Variants in AGAP1 observed in about 807,000 individuals in gnomAD.
AGAP1 encodes the protein ArfGAP with GTPase domain, ankyrin repeat and PH domain 1.
AGAP1 carries 29 observed loss-of-function variants against 105.3 expected under a neutral mutation model. That is an observed-to-expected ratio of 0.28 (90% CI 0.21 to 0.38). The LOEUF is 0.38. Ranked by LOEUF, AGAP1 falls within the 10% of genes least tolerant of loss-of-function variation. The pLI is 1.00. For missense variants in AGAP1, 998 were observed against 1,165.1 expected, an observed-to-expected ratio of 0.86 and a Z score of 2.09; for synonymous variants, 509 against 485.9, an observed-to-expected ratio of 1.05 and a Z score of -0.63.
rs762070441 is a variant in AGAP1 at position 235,883,340 on chromosome 2, T to G, written c.1051-5T>G. Reference sequence around the variant, plus strand: ...AATTTCTATTTGGCTCTTTTTCCCTTGTAGGGCATGCTGTTGAAGCGAAGT... The same window carrying G: ...AATTTCTATTTGGCTCTTTTTCCCTGGTAGGGCATGCTGTTGAAGCGAAGT... On this transcript the variant is annotated splice_polypyrimidine_tract_variant and splice_region_variant and intron_variant, in intron 9 of 17. Coordinates refer to ENST00000304032, the MANE Select transcript of AGAP1 (RefSeq NM_001037131.3). This position sits in a 1 kb window ranked among gnomAD's most constrained non-coding sequence, Gnocchi z 4.5. 1 of 1,613,246 alleles carries G rather than the reference T, an allele frequency of 6.2e-7. No individual in the cohort carries two copies. Among genetic ancestry groups the G allele is most frequent in the South Asian group, 1.1e-5 (1 of 91,002 alleles).
intron 1 of AGAP1, among the ~76,000 whole-genome samples, chr2:235,571,046 G>A (rs913806801): frequency 3.3e-5 from 5 of 152,234 alleles, no homozygotes; most frequent in Admixed American, 6.5e-5. Context: ...CAAAGGGGAA[G>A]CCCACGTTTC....
chr2:236,032,885 G>T (rs1452317591), intron 13 of AGAP1, among the ~76,000 whole-genome samples: 1 of 152,200 alleles, frequency 6.6e-6, no homozygotes, highest in East Asian at 1.9e-4. Context: ...TGACATAGAA[G>T]ATACTAGACA....
Position 235,603,977 on chromosome 2 carries a change from GT to G in AGAP1, c.164-105199del, listed in dbSNP as rs200083573. ...ATCAAAATGACACACGGTGACTCTG[GT>G]TTCTTCCAGCATCCCCGAGATGAAG... On this transcript the variant is annotated intron_variant, in intron 1 of 17. Transcript: ENST00000304032. Among the ~76,000 whole-genome samples the G allele has an allele frequency of 8.8e-3, 1,343 of 152,186 alleles. 16 individuals are homozygous for G. Among genetic ancestry groups the G allele is most frequent in the African/African-American group, 0.031 (1,269 of 41,518 alleles).
At chr2:236,017,424 A>G (rs1264537454) in intron 13 of AGAP1, among the ~76,000 whole-genome samples, 1 of 152,138 alleles carries the variant, frequency 6.6e-6, no homozygotes, top group Non-Finnish European at 1.5e-5. Context: ...ACCCTTCATG[A>G]AAATTTGTAT....
At chr2:236,064,946 T>G (rs1284118029) in intron 16 of AGAP1, among the ~76,000 whole-genome samples, 3 of 152,218 alleles carry the variant, frequency 2.0e-5, no homozygotes, top group African/African-American at 7.2e-5. Flanking sequence ...TGAGAGATTG[T>G]GTTACTTTTT....
chr2:235,895,621 T>G (rs1433168186), intron 10 of AGAP1, among the ~76,000 whole-genome samples: 2 of 152,160 alleles, frequency 1.3e-5, no homozygotes, highest in African/African-American at 4.8e-5. Flanking sequence ...TCTCTGATTC[T>G]CCCACAAGAC....
intron 12 of AGAP1, among the ~76,000 whole-genome samples, chr2:235,933,293 G>A (rs1205501146): frequency 6.6e-6 from 1 of 152,138 alleles, no homozygotes; most frequent in African/African-American, 2.4e-5. Flanking sequence ...AGGAGGAAAA[G>A]GGAAGATGGA....
chr2:235,697,722 A>G (rs746488565), intron 1 of AGAP1, among the ~76,000 whole-genome samples: 15 of 152,202 alleles, frequency 9.9e-5, no homozygotes, highest in Non-Finnish European at 1.5e-4. Flanking sequence ...TATTATAAAC[A>G]TTAATTTCAC....
At chr2:236,048,170 G>T (rs955408928) in intron 15 of AGAP1, among the ~76,000 whole-genome samples, 5 of 152,194 alleles carry the variant, frequency 3.3e-5, no homozygotes, top group African/African-American at 9.7e-5. Context: ...GTGAAAGCCA[G>T]TGACTATCAA....
chr2:235,525,017 C>T (rs563937262), intron 1 of AGAP1, among the ~76,000 whole-genome samples: 1 of 152,280 alleles, frequency 6.6e-6, no homozygotes, highest in East Asian at 1.9e-4. Flanking sequence ...CTGAATGTCA[C>T]CTTAAAATGT....
chr2:235,980,712 C>T (rs1302378664), intron 13 of AGAP1, among the ~76,000 whole-genome samples: 2 of 152,160 alleles, frequency 1.3e-5, no homozygotes, highest in Non-Finnish European at 2.9e-5. Flanking sequence ...GCAGAGAATT[C>T]TTCCTACTGT....
chr2:235,583,489 C>G (rs1945001610), intron 1 of AGAP1, among the ~76,000 whole-genome samples: 1 of 151,746 alleles, frequency 6.6e-6, no homozygotes, highest in Admixed American at 6.6e-5. Flanking sequence ...AGAGAGCATA[C>G]TCAGCCTCAT....
At chr2:235,683,521 A>G (rs983709021) in intron 1 of AGAP1, among the ~76,000 whole-genome samples, 3 of 150,694 alleles carry the variant, frequency 2.0e-5, no homozygotes, top group African/African-American at 7.3e-5. Context: ...AAACTTATAG[A>G]TTATAAAATA....
At position 235,728,128 on chromosome 2, in the gene AGAP1, T is replaced by G. The variant is rs1279104426; in HGVS notation, c.310+10484T>G. Among the ~76,000 whole-genome samples, 4 of 152,164 alleles carry G rather than the reference T, an allele frequency of 2.6e-5. No individual in the cohort carries two copies. Among genetic ancestry groups the G allele is most frequent in the Non-Finnish European group, 5.9e-5 (4 of 68,028 alleles). On this transcript the variant is annotated intron_variant, in intron 3 of 17. Transcript: ENST00000304032. The surrounding 1 kb of genome is among the most constrained non-coding windows in gnomAD (Gnocchi z 4.3). ...TGGCAAATTCCAAGGGCCAGGACGATGGAGACAAGGGAAGTAGAAGTTGAA... is the reference window on the plus strand; with the variant it reads ...TGGCAAATTCCAAGGGCCAGGACGAGGGAGACAAGGGAAGTAGAAGTTGAA...
Position 235,736,948 on chromosome 2 carries a change from G to C in AGAP1, c.311-4015G>C, listed in dbSNP as rs1952290973. Reference sequence around the variant, plus strand: ...TAAAATGGTGCAAGTGGTGGTGCCTGCAGAGTACCAGCTTGTTGCCAACGA... The same window carrying C: ...TAAAATGGTGCAAGTGGTGGTGCCTCCAGAGTACCAGCTTGTTGCCAACGA... On this transcript the variant is annotated intron_variant, in intron 3 of 17. Coordinates refer to ENST00000304032, the MANE Select transcript of AGAP1 (RefSeq NM_001037131.3). This position sits in a 1 kb window ranked among gnomAD's most constrained non-coding sequence, Gnocchi z 5.5. Among the ~76,000 whole-genome samples, 1 of 152,212 alleles carries C rather than the reference G, an allele frequency of 6.6e-6. No homozygotes were observed. Among genetic ancestry groups the C allele is most frequent in the South Asian group, 2.1e-4 (1 of 4,824 alleles).
At chr2:235,833,492 C>T (rs1359304105) in intron 9 of AGAP1, among the ~76,000 whole-genome samples, 3 of 152,088 alleles carry the variant, frequency 2.0e-5, no homozygotes, top group East Asian at 3.9e-4. Context: ...AAACCACCCA[C>T]CCCCACTCTC....
At chr2:235,508,364 A>C (rs1329339099) in intron 1 of AGAP1, among the ~76,000 whole-genome samples, 1 of 152,238 alleles carries the variant, frequency 6.6e-6, no homozygotes, top group African/African-American at 2.4e-5. Context: ...AAACTTCAGA[A>C]ATCAGCCCAT....
intron 13 of AGAP1, among the ~76,000 whole-genome samples, chr2:236,010,809 A>C (rs1036444538): frequency 3.3e-5 from 5 of 152,198 alleles, no homozygotes; most frequent in African/African-American, 1.2e-4. Flanking sequence ...AGAGTTTGGG[A>C]GTGAGTCTCT....
chr2:235,961,334 C>T lies in AGAP1; in HGVS notation c.1484-7128C>T, dbSNP rs144480307. 2.0e-4 allele frequency among the ~76,000 whole-genome samples: 31 copies of T among 152,350 alleles called. No individual in the cohort carries two copies. The South Asian group carries it at 2.1e-3, about 10-fold the overall frequency. On this transcript the variant is annotated intron_variant, in intron 12 of 17. Coordinates refer to ENST00000304032, the MANE Select transcript of AGAP1 (RefSeq NM_001037131.3). This position sits in a 1 kb window ranked among gnomAD's most constrained non-coding sequence, Gnocchi z 5.9. ...CTTCTGCCTGCCTAGCAGAACCCCTCCACACGGCTCCCCGTCTAAGGCGGC... is the reference window on the plus strand; with the variant it reads ...CTTCTGCCTGCCTAGCAGAACCCCTTCACACGGCTCCCCGTCTAAGGCGGC...
Sources: allele counts gnomAD v4.1 joint callset (sites outside exome capture counted in the v4.1 genomes callset), GRCh38; gene constraint gnomAD v4.1.1; non-coding constraint Gnocchi (gnomAD v3.1); transcripts MANE v1.5; gene names NCBI Gene and HGNC (gene_info 2026-07-23, HGNC 2026-07-21).